PRH1: variants seen among roughly 807,000 people sequenced by gnomAD.
PRH1 encodes the protein salivary acidic proline-rich phosphoprotein 1/2.
PRH1 carries 7 observed loss-of-function variants against 7.9 expected under a neutral mutation model. That is an observed-to-expected ratio of 0.89 (90% CI 0.50 to 1.67). The LOEUF is 1.67. Ranked by LOEUF, PRH1 falls within the 40% of genes most tolerant of loss-of-function variation. The probability of loss-of-function intolerance (pLI) is 0.00; values close to 1 mark genes in which losing one functional copy is unlikely to be tolerated. For synonymous variants in PRH1, 45 were observed against 80.8 expected, an observed-to-expected ratio of 0.56 and a Z score of 2.38; for missense variants, 109 against 223.6, an observed-to-expected ratio of 0.49 and a Z score of 3.27.
At chr12:11,046,067 T>C (rs992615345) in intron 1 of PRH1, among the ~76,000 whole-genome samples, 3 of 152,186 alleles carry the variant, frequency 2.0e-5, no homozygotes, top group African/African-American at 7.2e-5. Flanking sequence ...AAAATAGTTA[T>C]TTTTAATAGT....
intron 1 of PRH1, among the ~76,000 whole-genome samples, chr12:11,131,600 T>A (rs1216675835): frequency 6.6e-6 from 1 of 152,238 alleles, no homozygotes; most frequent in Non-Finnish European, 1.5e-5. Context: ...TAGACCAAAG[T>A]CTTTTATATG....
intron 1 of PRH1, among the ~76,000 whole-genome samples, chr12:11,010,579 A>G (rs986880050): frequency 3.9e-5 from 6 of 151,974 alleles, no homozygotes; most frequent in African/African-American, 4.8e-5. Flanking sequence ...AATAAAAAAT[A>G]CTTCGCCTTA....
intron 1 of PRH1, among the ~76,000 whole-genome samples, chr12:10,982,524 A>C (rs1382222692): frequency 6.6e-6 from 1 of 152,186 alleles, no homozygotes; most frequent in Non-Finnish European, 1.5e-5. Context: ...TGTGGAGGAA[A>C]ATCAAAACAA....
chr12:11,059,838 C>A (rs986689034), intron 1 of PRH1, among the ~76,000 whole-genome samples: 1 of 152,160 alleles, frequency 6.6e-6, no homozygotes, highest in Admixed American at 6.5e-5. Context: ...TGGTTTACCA[C>A]ATCAGCTTAC....
chr12:10,918,509 T>A lies in PRH1; in HGVS notation c.-58-34234A>T, dbSNP rs895712665. Among the ~76,000 whole-genome samples the A allele has an allele frequency of 2.0e-5, 3 of 152,192 alleles. No homozygotes were observed. In the East Asian group the frequency reaches 5.8e-4, roughly 29 times the overall value. On this transcript the variant is annotated intron_variant, in intron 2 of 3. Transcript: ENST00000539853. ...CAAAACTCTGTGGTGAAATCTCCAA[T>A]TATTTGTAAGATGAAGTCGTAGAAA...
At chr12:10,904,351 T>G (rs1004599217) in intron 2 of PRH1, among the ~76,000 whole-genome samples, 3 of 151,940 alleles carry the variant, frequency 2.0e-5, no homozygotes, top group African/African-American at 4.8e-5. Flanking sequence ...TGGAACAGAA[T>G]AGAGAACCCA....
chr12:10,962,936 A>AT (rs1008169784), intron 2 of PRH1, among the ~76,000 whole-genome samples: 7 of 152,140 alleles, frequency 4.6e-5, no homozygotes, highest in South Asian at 4.2e-4. Flanking sequence ...CGCCCTGCTA[A>AT]TTTTTTTGTA....
At chr12:10,998,309 T>C (rs896543920) in intron 1 of PRH1, among the ~76,000 whole-genome samples, 2 of 152,160 alleles carry the variant, frequency 1.3e-5, no homozygotes, top group Non-Finnish European at 1.5e-5. Flanking sequence ...ACCCAGTACA[T>C]AGATGACACA....
At chr12:11,036,722 T>G (rs1324652121) in intron 1 of PRH1, among the ~76,000 whole-genome samples, 6 of 152,338 alleles carry the variant, frequency 3.9e-5, no homozygotes. Context: ...AACTTTGCTG[T>G]TTACTATTGT....
intron 2 of PRH1, among the ~76,000 whole-genome samples, chr12:10,960,776 A>G (rs1048889786): frequency 1.3e-5 from 2 of 152,242 alleles, no homozygotes; most frequent in Non-Finnish European, 2.9e-5. Flanking sequence ...GAAGAGAGAC[A>G]TAAACCTCAG....
At position 10,882,382 on chromosome 12, in the gene PRH1, G is replaced by A; in HGVS notation, c.417C>T (p.Pro139=). ...CTTGTGGCCTTCCTCGAGGAGGACGGGGATGGCCTCCCTGTTGGGGTGGTC... is the reference window on the plus strand; with the variant it reads ...CTTGTGGCCTTCCTCGAGGAGGACGAGGATGGCCTCCCTGTTGGGGTGGTC... ...PQGPPQQGGH[P]RPPRGRPQGP... The change falls in exon 3 of 4, where the codon CCC becomes CCT. Residue 139 remains proline, a synonymous_variant. Transcript: ENST00000543626. 1 of 1,601,612 alleles carries A rather than the reference G, an allele frequency of 6.2e-7. No individual in the cohort carries two copies. Among genetic ancestry groups the A allele is most frequent in the Non-Finnish European group, 8.5e-7 (1 of 1,173,024 alleles).
intron 2 of PRH1, among the ~76,000 whole-genome samples, chr12:10,924,457 T>A (rs1476893500): frequency 6.6e-6 from 1 of 152,242 alleles, no homozygotes; most frequent in Non-Finnish European, 1.5e-5. Context: ...AGATAAGGGA[T>A]GGGACCACAG....
intron 1 of PRH1, among the ~76,000 whole-genome samples, chr12:11,006,940 C>T (rs1040478788): frequency 6.6e-6 from 1 of 151,986 alleles, no homozygotes; most frequent in African/African-American, 2.4e-5. Flanking sequence ...GGTGAATTCC[C>T]GTTTGCTAGT....
intron 1 of PRH1, chr12:10,986,964 G>T: frequency 1.3e-6 from 1 of 795,926 alleles, no homozygotes; most frequent in Non-Finnish European, 1.9e-6. Flanking sequence ...TTCTGAATGT[G>T]CAGTAACATT....
chr12:11,043,616 T>TA (rs35729761), intron 1 of PRH1, among the ~76,000 whole-genome samples: 131,552 of 152,100 alleles, frequency 0.86, 59,575 homozygotes, highest in South Asian at 0.99. Flanking sequence ...ACAATTAACA[T>TA]AAAAATTAGT....
intron 1 of PRH1, chr12:11,030,743 A>G: frequency 1.2e-6 from 2 of 1,614,244 alleles, no homozygotes; most frequent in Admixed American, 3.3e-5. Flanking sequence ...AGAACAGATT[A>G]ACAGCAAAAA....
At chr12:11,068,472 C>T (rs1214511287) in intron 1 of PRH1, among the ~76,000 whole-genome samples, 1 of 152,144 alleles carries the variant, frequency 6.6e-6, no homozygotes, top group Non-Finnish European at 1.5e-5. Flanking sequence ...ATTTTGATCA[C>T]TGTATAGTAT....
chr12:10,974,926 C>A (rs1319285260), intron 1 of PRH1, among the ~76,000 whole-genome samples: 1 of 151,980 alleles, frequency 6.6e-6, no homozygotes, highest in African/African-American at 2.4e-5. Flanking sequence ...AGTTGAAATA[C>A]AAAACGGTTA....
At chr12:10,957,656 C>T (rs1337570560) in intron 2 of PRH1, among the ~76,000 whole-genome samples, 1 of 151,840 alleles carries the variant, frequency 6.6e-6, no homozygotes, top group Non-Finnish European at 1.5e-5. Flanking sequence ...GAAAATATTT[C>T]GTAAACTATG....
Sources: gnomAD v4.1 joint callset for allele counts (sites outside exome capture counted in the v4.1 genomes callset) on GRCh38, gnomAD v4.1.1 for gene constraint, MANE v1.5 for transcripts, NCBI Gene and HGNC (gene_info 2026-07-23, HGNC 2026-07-21) for gene names.